The following SLC10A7 variants were observed in gnomAD, a reference collection of about 807,000 sequenced individuals.
The protein encoded by SLC10A7 is sodium/bile acid cotransporter 7.
SLC10A7 carries 29 observed loss-of-function variants against 43.2 expected under a neutral mutation model. The ratio of observed to expected loss-of-function variants is 0.67; its 90% CI spans 0.50 to 0.92. The LOEUF (loss-of-function observed/expected upper bound fraction) is 0.92. Among genes scored for constraint, SLC10A7 ranks in the 40% least tolerant of loss-of-function variants. The probability of loss-of-function intolerance (pLI) is 0.00; values close to 1 mark genes in which losing one functional copy is unlikely to be tolerated. For missense variants in SLC10A7, 295 were observed against 403.2 expected (o/e 0.73, Z 2.30); for synonymous variants, 152 against 144.8 (o/e 1.05, Z -0.35).
chr4:146,351,254 A>C (rs1216766023), intron 5 of SLC10A7, among the ~76,000 whole-genome samples: 1 of 149,684 alleles, frequency 6.7e-6, no homozygotes, highest in East Asian at 2.0e-4. Flanking sequence ...TCAGGAGCTG[A>C]TACGATCAAC....
At chr4:146,430,881 G>T (rs539601147) in intron 5 of SLC10A7, among the ~76,000 whole-genome samples, 1 of 152,054 alleles carries the variant, frequency 6.6e-6, no homozygotes, top group African/African-American at 2.4e-5. Flanking sequence ...AGTGCAGCTC[G>T]TTCAATTACC....
intron 4 of SLC10A7, among the ~76,000 whole-genome samples, chr4:146,464,674 A>T (rs1230651631): frequency 6.6e-6 from 1 of 152,094 alleles, no homozygotes; most frequent in Non-Finnish European, 1.5e-5. Flanking sequence ...CATTAAGAAT[A>T]ACAGTAATTT....
intron 4 of SLC10A7, among the ~76,000 whole-genome samples, chr4:146,477,243 AG>A (rs1349954915): frequency 6.6e-6 from 1 of 152,248 alleles, no homozygotes; most frequent in South Asian, 2.1e-4. Context: ...AGCGCTTAAA[AG>A]CTCTAAAGCT....
intron 4 of SLC10A7, among the ~76,000 whole-genome samples, chr4:146,452,382 T>G (rs879878974): frequency 1.6e-4 from 25 of 152,076 alleles, no homozygotes; most frequent in Admixed American, 6.6e-4. Flanking sequence ...TAAGCATAGA[T>G]TCAGTTTTAA....
rs1730737040 is a variant in SLC10A7 at position 146,443,115 on chromosome 4, C to A, written c.397-294G>T. ...AATCATTGCCAATACTAAATTGAGA[C>A]CATGTTGCTATTGATTTTCCTACTA... On this transcript the variant is annotated intron_variant, in intron 4 of 11. Transcript: ENST00000335472. Among the ~76,000 whole-genome samples, 5 of 152,052 alleles carry A rather than the reference C, an allele frequency of 3.3e-5. 1 individual carries two copies. The South Asian group carries it at 1.0e-3, about 32-fold the overall frequency.
At chr4:146,318,571 T>C (rs1451502093) in intron 6 of SLC10A7, among the ~76,000 whole-genome samples, 1 of 152,058 alleles carries the variant, frequency 6.6e-6, no homozygotes, top group Non-Finnish European at 1.5e-5. Flanking sequence ...TCATTCTTTA[T>C]TATTGCTTTC....
rs188395628 is a variant in SLC10A7, at chr4:146,407,147, C to T, written c.435+35636G>A. On this transcript the variant is annotated intron_variant, in intron 5 of 11. Transcript: ENST00000335472. Reference sequence around the variant, plus strand: ...ATTGTACATAGAAGTCAAGCTATGGCAAGTGAGGCTGAAAGTATACCTGAG... The same window carrying T: ...ATTGTACATAGAAGTCAAGCTATGGTAAGTGAGGCTGAAAGTATACCTGAG... Among the ~76,000 whole-genome samples the T allele has an allele frequency of 4.0e-4, 61 of 152,250 alleles. 1 individual carries two copies. The highest frequency in any genetic ancestry group is 1.4e-3 in the Admixed American group (21 of 15,292).
chr4:146,416,630 T>C (rs1224187682), intron 5 of SLC10A7, among the ~76,000 whole-genome samples: 1 of 152,102 alleles, frequency 6.6e-6, no homozygotes, highest in East Asian at 1.9e-4. Flanking sequence ...CTGCACTACT[T>C]ACCAGGAGAG....
intron 5 of SLC10A7, among the ~76,000 whole-genome samples, chr4:146,374,913 T>C (rs2149784025): frequency 6.6e-6 from 1 of 152,218 alleles, no homozygotes; most frequent in African/African-American, 2.4e-5. Flanking sequence ...TGTTAAATTA[T>C]CTCAAAAACC....
At chr4:146,300,104 T>A (rs1363026415) in intron 7 of SLC10A7, among the ~76,000 whole-genome samples, 2 of 151,962 alleles carry the variant, frequency 1.3e-5, no homozygotes, top group Non-Finnish European at 2.9e-5. Context: ...GACTAAGGAA[T>A]CAAAGCTGGG....
intron 5 of SLC10A7, among the ~76,000 whole-genome samples, chr4:146,355,892 G>T (rs1735560432): frequency 9.1e-6 from 1 of 109,924 alleles, no homozygotes; most frequent in Non-Finnish European, 1.8e-5. Flanking sequence ...ACTGTGGTGG[G>T]GTGGGGGGAG....
intron 5 of SLC10A7, among the ~76,000 whole-genome samples, chr4:146,423,744 C>T (rs1180873883): frequency 6.6e-6 from 1 of 152,164 alleles, no homozygotes; most frequent in Non-Finnish European, 1.5e-5. Context: ...TACATTTATT[C>T]CAGCTATTCT....
At chr4:146,269,057 G>A (rs1460069964) in intron 10 of SLC10A7, among the ~76,000 whole-genome samples, 2 of 152,162 alleles carry the variant, frequency 1.3e-5, no homozygotes, top group Non-Finnish European at 2.9e-5. Context: ...TAAAAATTGT[G>A]TTTTAGTCTT....
At chr4:146,501,262 G>A (rs138207681) in intron 4 of SLC10A7, among the ~76,000 whole-genome samples, 128 of 152,174 alleles carry the variant, frequency 8.4e-4, no homozygotes, top group African/African-American at 3.1e-3. Flanking sequence ...AATTCTAATA[G>A]CTCTAATTCT....
intron 5 of SLC10A7, among the ~76,000 whole-genome samples, chr4:146,339,256 G>A (rs1014393161): frequency 2.6e-5 from 4 of 151,914 alleles, no homozygotes; most frequent in African/African-American, 9.7e-5. Flanking sequence ...GAAATGAATA[G>A]GTTTGGCATA....
chr4:146,370,581 G>C (rs77157863), intron 5 of SLC10A7, among the ~76,000 whole-genome samples: 31 of 152,084 alleles, frequency 2.0e-4, no homozygotes, highest in Admixed American at 1.8e-3. Context: ...GTGTTCCTAC[G>C]CTAAACTTCA....
At chr4:146,495,810 G>C (rs202198837) in intron 4 of SLC10A7, among the ~76,000 whole-genome samples, 11 of 93,812 alleles carry the variant, frequency 1.2e-4, no homozygotes, top group East Asian at 4.6e-4. Context: ...CACACACACA[G>C]AGGCACATAC....
intron 10 of SLC10A7, among the ~76,000 whole-genome samples, chr4:146,277,071 G>A (rs1252793560): frequency 1.3e-5 from 2 of 152,140 alleles, no homozygotes; most frequent in East Asian, 3.8e-4. Context: ...TTTAGACCTT[G>A]GGTTGTGACC....
At chr4:146,437,080 T>G (rs1482697769) in intron 5 of SLC10A7, among the ~76,000 whole-genome samples, 1 of 152,128 alleles carries the variant, frequency 6.6e-6, no homozygotes, top group African/African-American at 2.4e-5. Context: ...ACATTTATGC[T>G]TTGTGTATTT....
Sources: allele counts gnomAD v4.1 joint callset (sites outside exome capture counted in the v4.1 genomes callset), GRCh38; gene constraint gnomAD v4.1.1; transcripts MANE v1.5; gene names NCBI Gene and HGNC (gene_info 2026-07-23, HGNC 2026-07-21).